ARHGAP26: variants seen among roughly 807,000 people sequenced by gnomAD.
The protein encoded by ARHGAP26 is rho GTPase-activating protein 26.
A neutral mutation model predicts 104.8 loss-of-function variants in ARHGAP26; 38 were observed. The ratio of observed to expected loss-of-function variants is 0.36; its 90% confidence interval spans 0.28 to 0.48. ARHGAP26 has a LOEUF of 0.48. Among genes scored for constraint, ARHGAP26 ranks in the 20% least tolerant of loss-of-function variants. The probability of loss-of-function intolerance (pLI) is 0.99; values close to 1 mark genes in which losing one functional copy is unlikely to be tolerated. For missense variants in ARHGAP26, 704 were observed against 947.9 expected (o/e 0.74, Z 3.38); for synonymous variants, 341 against 340.0 (o/e 1.00, Z -0.03).
At chr5:143,197,167 C>CA (rs1230500013) in intron 20 of ARHGAP26, among the ~76,000 whole-genome samples, 1 of 151,952 alleles carries the variant, frequency 6.6e-6, no homozygotes, top group Non-Finnish European at 1.5e-5. Context: ...AAATAATTTG[C>CA]TCTACACATT....
chr5:143,054,300 A>G, intron 14 of ARHGAP26, 139 bp from the exon 15 acceptor site: 1 of 561,396 alleles, frequency 1.8e-6, no homozygotes, highest in Non-Finnish European at 3.1e-6. Flanking sequence ...TCCTAATTTA[A>G]TAGGTAAAAA....
At chr5:142,999,605 C>G (rs563927221) in intron 11 of ARHGAP26, among the ~76,000 whole-genome samples, 1 of 152,070 alleles carries the variant, frequency 6.6e-6, no homozygotes, top group Middle Eastern at 3.4e-3. Flanking sequence ...ATTTTTCTTT[C>G]TGGCTGCTGT....
chr5:143,199,996 T>G (rs1463008621), intron 20 of ARHGAP26, among the ~76,000 whole-genome samples: 3 of 152,206 alleles, frequency 2.0e-5, no homozygotes, highest in Admixed American at 1.3e-4. Flanking sequence ...GCCTGTCTCC[T>G]TCCCCACACA....
At chr5:142,884,165 C>T (rs544938761) in intron 4 of ARHGAP26, among the ~76,000 whole-genome samples, 1 of 152,322 alleles carries the variant, frequency 6.6e-6, no homozygotes, top group South Asian at 2.1e-4. Flanking sequence ...TCCTTGCCTG[C>T]TCTCCCCGTT....
intron 14 of ARHGAP26, among the ~76,000 whole-genome samples, chr5:143,044,440 A>G (rs1783933406): frequency 6.6e-6 from 1 of 152,136 alleles, no homozygotes; most frequent in Non-Finnish European, 1.5e-5. Flanking sequence ...TTTCTTGACC[A>G]TGTTGGCAGA....
chr5:143,209,233 G>A (rs1270925183), intron 21 of ARHGAP26, among the ~76,000 whole-genome samples: 1 of 152,020 alleles, frequency 6.6e-6, no homozygotes, highest in Non-Finnish European at 1.5e-5. Context: ...TCTGAGATTT[G>A]GGGCCCTGTT....
rs757288826 is a variant in ARHGAP26 at position 143,134,056 on chromosome 5, C to T, written c.1788C>T (p.Cys596=). 2.0e-5 allele frequency: 33 copies of T among 1,612,652 alleles called. No individual in the cohort carries two copies. The highest frequency in any genetic ancestry group is 2.7e-5 in the Non-Finnish European group (32 of 1,179,368). The change falls in exon 19 of 23, where the codon TGC becomes TGT. Residue 596 remains cysteine (C), a synonymous_variant. Transcript: ENST00000645722. ...KKSSDSKPPS[C]SERPLTLFHT... ...GCAGTGACTCCAAGCCCCCGTCCTG[C>T]AGCGAGAGGCCCCTGACGCTCTTCC...
intron 14 of ARHGAP26, among the ~76,000 whole-genome samples, chr5:143,050,285 A>G (rs1784819015): frequency 1.3e-5 from 2 of 151,444 alleles, no homozygotes; most frequent in African/African-American, 4.8e-5. Context: ...CCATGATGAT[A>G]AAGGACTGCA....
chr5:143,008,589 G>C (rs1210999563), intron 11 of ARHGAP26, among the ~76,000 whole-genome samples: 2 of 152,220 alleles, frequency 1.3e-5, no homozygotes, highest in African/African-American at 4.8e-5. Context: ...AGATGGTGCA[G>C]TTTAGAGAGG....
intron 11 of ARHGAP26, among the ~76,000 whole-genome samples, chr5:142,962,651 T>C (rs1229820755): frequency 6.6e-6 from 1 of 152,162 alleles, no homozygotes; most frequent in Non-Finnish European, 1.5e-5. Flanking sequence ...GTCTGGTTGA[T>C]AAGCTATCTA....
chr5:142,993,524 C>G lies in ARHGAP26; in HGVS notation c.1108-20556C>G, dbSNP rs186468494. Among the ~76,000 whole-genome samples, 397 of 152,268 alleles carry G rather than the reference C, an allele frequency of 2.6e-3. 4 individuals carry two copies. Among genetic ancestry groups the G allele is most frequent in the Non-Finnish European group, 3.6e-3 (247 of 68,012 alleles). On this transcript the variant is annotated intron_variant, in intron 11 of 22. Coordinates refer to ENST00000645722, the MANE Select transcript of ARHGAP26 (RefSeq NM_001135608.3). ...TTCACCATGTTGGCCAGGCTGGTCT[C>G]GAATTCCTGACCTCAGGTGATCCAC... is the stretch of plus-strand genomic sequence containing the variant.
chr5:142,936,564 T>A (rs939936986), intron 11 of ARHGAP26, among the ~76,000 whole-genome samples: 15 of 152,226 alleles, frequency 9.9e-5, no homozygotes, highest in Admixed American at 2.0e-4. Flanking sequence ...CCAAAATAGA[T>A]AAAACAATTT....
At chr5:143,021,020 CA>C (rs768729701) in intron 12 of ARHGAP26, among the ~76,000 whole-genome samples, 6 of 152,180 alleles carry the variant, frequency 3.9e-5, no homozygotes, top group Non-Finnish European at 8.8e-5. Context: ...ATTTGTCATT[CA>C]CACTGGGAGG....
chr5:143,023,664 G>A (rs974915501), intron 12 of ARHGAP26, among the ~76,000 whole-genome samples: 1 of 152,174 alleles, frequency 6.6e-6, no homozygotes, highest in Non-Finnish European at 1.5e-5. Flanking sequence ...TCTGCTGGTC[G>A]GTGGCTTATA....
chr5:142,901,925 T>G lies in ARHGAP26; in HGVS notation c.598-10T>G. 6.2e-7 allele frequency: 1 copy of G among 1,612,904 alleles called. No individual in the cohort carries two copies. Among genetic ancestry groups the G allele is most frequent in the Non-Finnish European group, 8.5e-7 (1 of 1,179,008 alleles). On this transcript the variant is annotated splice_polypyrimidine_tract_variant and intron_variant, in intron 6 of 22. Transcript: ENST00000645722. ...GTTATGTGACCTTTGCCTTTCTTCC[T>G]TCATTACAGCTGCTGGCCTTCCTGC...
intron 12 of ARHGAP26, among the ~76,000 whole-genome samples, chr5:143,032,833 G>A (rs1185585983): frequency 1.3e-5 from 2 of 152,188 alleles, no homozygotes; most frequent in African/African-American, 2.4e-5. Context: ...TTGTGTGTGT[G>A]CATGCATGCA....
intron 11 of ARHGAP26, among the ~76,000 whole-genome samples, chr5:142,998,247 G>A: frequency 6.6e-6 from 1 of 152,114 alleles, no homozygotes; most frequent in South Asian, 2.1e-4. Flanking sequence ...GTTAAGATTA[G>A]TACAGGGCAG....
chr5:142,978,003 G>C (rs1194634547), intron 11 of ARHGAP26, among the ~76,000 whole-genome samples: 4 of 152,180 alleles, frequency 2.6e-5, no homozygotes, highest in African/African-American at 7.2e-5. Context: ...AAAAGGACCT[G>C]GTTCCTCTTG....
chr5:143,008,951 A>G (rs1778371181), intron 11 of ARHGAP26, among the ~76,000 whole-genome samples: 1 of 152,208 alleles, frequency 6.6e-6, no homozygotes. Context: ...ATCTTGGTGC[A>G]GAGGAAGCAT....
Sources: gnomAD v4.1 joint callset for allele counts (sites outside exome capture counted in the v4.1 genomes callset) on GRCh38, gnomAD v4.1.1 for gene constraint, MANE v1.5 for transcripts, NCBI Gene and HGNC (gene_info 2026-07-23, HGNC 2026-07-21) for gene names.